Variants in AGMO observed in about 807,000 individuals in gnomAD.
AGMO encodes alkylglycerol monooxygenase.
Under a neutral mutation model 60.2 loss-of-function variants are expected in AGMO, and 75 were observed. The ratio of observed to expected loss-of-function variants is 1.25; its 90% confidence interval spans 1.03 to 1.51. The LOEUF (loss-of-function observed/expected upper bound fraction) is 1.51. AGMO is among the 40% of genes most tolerant of loss of function. The pLI is 0.00. For missense variants in AGMO, 763 were observed against 525.5 expected, an observed-to-expected ratio of 1.45 and a Z score of -4.42; for synonymous variants, 261 against 177.1, an observed-to-expected ratio of 1.47 and a Z score of -3.76.
intron 12 of AGMO, among the ~76,000 whole-genome samples, chr7:15,350,294 T>C (rs1461540653): frequency 1.3e-5 from 2 of 152,162 alleles, no homozygotes; most frequent in Non-Finnish European, 2.9e-5. Context: ...TGTATAAATA[T>C]TGAGTTTTGG....
chr7:15,409,589 T>C (rs1784787569), intron 5 of AGMO, among the ~76,000 whole-genome samples: 1 of 151,930 alleles, frequency 6.6e-6, no homozygotes, highest in African/African-American at 2.4e-5. Flanking sequence ...TGTCTACTCA[T>C]ACCCTTAAAA....
intron 3 of AGMO, among the ~76,000 whole-genome samples, chr7:15,482,406 T>G (rs1238724922): frequency 6.6e-6 from 1 of 152,126 alleles, no homozygotes; most frequent in Non-Finnish European, 1.5e-5. Context: ...AAAACTTTAG[T>G]AAATTGGACA....
chr7:15,278,842 T>G (rs570616692), intron 12 of AGMO, among the ~76,000 whole-genome samples: 70 of 152,120 alleles, frequency 4.6e-4, no homozygotes, highest in Non-Finnish European at 8.8e-4. Context: ...AACACCAGGC[T>G]GCAGCTATAG....
At chr7:15,371,266 T>A (rs4403318) in intron 10 of AGMO, among the ~76,000 whole-genome samples, 1 of 151,880 alleles carries the variant, frequency 6.6e-6, no homozygotes, top group Admixed American at 6.6e-5. Flanking sequence ...ATCACTCAGG[T>A]TTGTAGTGTA....
At chr7:15,394,752 G>A (rs1017833895) in intron 5 of AGMO, among the ~76,000 whole-genome samples, 4 of 152,126 alleles carry the variant, frequency 2.6e-5, no homozygotes, top group East Asian at 1.9e-4. Context: ...ACTTACTATT[G>A]CATCAGTAAT....
intron 12 of AGMO, among the ~76,000 whole-genome samples, chr7:15,267,795 C>T (rs1783477754): frequency 6.6e-6 from 1 of 151,966 alleles, no homozygotes; most frequent in African/African-American, 2.4e-5. Flanking sequence ...AAAGTTAACA[C>T]TTTAGGTCTT....
intron 4 of AGMO, among the ~76,000 whole-genome samples, chr7:15,429,368 G>C (rs1781163650): frequency 6.6e-6 from 1 of 151,952 alleles, no homozygotes; most frequent in African/African-American, 2.4e-5. Flanking sequence ...CTCCTAAAAA[G>C]GACATGTGGA....
intron 6 of AGMO, among the ~76,000 whole-genome samples, chr7:15,392,226 T>TA (rs1784172305): frequency 2.0e-5 from 3 of 151,624 alleles, no homozygotes. Flanking sequence ...CCGGCCACTA[T>TA]ACCCGGCTAA....
chr7:15,182,769 T>A, the AGMO span, among the ~76,000 whole-genome samples: 1 of 152,140 alleles, frequency 6.6e-6, no homozygotes, highest in Admixed American at 6.5e-5. Context: ...AATAAATACC[T>A]GAAACTGGGT....
At chr7:15,536,964 C>A (rs1475868651) in intron 3 of AGMO, among the ~76,000 whole-genome samples, 1 of 151,826 alleles carries the variant, frequency 6.6e-6, no homozygotes, top group African/African-American at 2.4e-5. Context: ...TGTGCTAATG[C>A]ATCATGCATA....
intron 11 of AGMO, 122 bp from the exon 12 acceptor site, chr7:15,365,741 G>C (rs998218373): frequency 1.4e-6 from 1 of 694,828 alleles, no homozygotes; most frequent in Non-Finnish European, 2.3e-6. Flanking sequence ...TATTTGAAAA[G>C]CATGTCCCCT....
chr7:15,185,530 A>G, the AGMO span, among the ~76,000 whole-genome samples: 8 of 152,198 alleles, frequency 5.3e-5, no homozygotes, highest in African/African-American at 1.4e-4. Context: ...TGGCCCTAGG[A>G]TAAGTGGTTC....
chr7:15,359,766 G>A (rs1235757425), intron 12 of AGMO, among the ~76,000 whole-genome samples: 3 of 152,126 alleles, frequency 2.0e-5, no homozygotes, highest in Non-Finnish European at 4.4e-5. Flanking sequence ...TTTATTGTAT[G>A]TTACATGGTC....
chr7:15,548,146 C>T (rs956268425), intron 2 of AGMO, among the ~76,000 whole-genome samples: 1 of 152,032 alleles, frequency 6.6e-6, no homozygotes, highest in Non-Finnish European at 1.5e-5. Flanking sequence ...AAAGGACATC[C>T]ACATCAAAAA....
At chr7:15,395,939 C>G (rs1248676186) in intron 5 of AGMO, 4 of 152,160 alleles carry the variant, frequency 2.6e-5, no homozygotes, top group Admixed American at 2.6e-4. Context: ...CACATCCCCT[C>G]TTGAAATGGA....
At chr7:15,361,646 A>G (rs1782771580) in intron 12 of AGMO, among the ~76,000 whole-genome samples, 1 of 152,052 alleles carries the variant, frequency 6.6e-6, no homozygotes, top group African/African-American at 2.4e-5. Flanking sequence ...AGAAAGAATA[A>G]AACCATTTAG....
At chr7:15,396,663 G>T (rs1784401921) in intron 5 of AGMO, 1 of 149,426 alleles carries the variant, frequency 6.7e-6, no homozygotes, top group South Asian at 2.1e-4. Context: ...ACTTTACAGA[G>T]AGCTGATTGG....
the AGMO span, among the ~76,000 whole-genome samples, chr7:15,162,409 G>A: frequency 6.6e-6 from 1 of 152,088 alleles, no homozygotes; most frequent in Non-Finnish European, 1.5e-5. Context: ...ATAATCAAAG[G>A]TGACCAGGCA....
chr7:15,396,157 A>G (rs1026145405), intron 5 of AGMO: 1 of 152,308 alleles, frequency 6.6e-6, no homozygotes, highest in East Asian at 1.9e-4. Context: ...ACCTTGTTTT[A>G]TATGTCAATT....
Sources: gnomAD v4.1 joint callset for allele counts (sites outside exome capture counted in the v4.1 genomes callset) on GRCh38, gnomAD v4.1.1 for gene constraint, MANE v1.5 for transcripts, NCBI Gene and HGNC (gene_info 2026-07-23, HGNC 2026-07-21) for gene names.